Variants in DMD observed in about 807,000 individuals in gnomAD.
The protein encoded by DMD is dystrophin, also known as mutant dystrophin.
Under a neutral mutation model 330.1 loss-of-function variants are expected in DMD, and 63 were observed. That is an observed-to-expected ratio of 0.19 (90% CI 0.16 to 0.24). The LOEUF is 0.24. Among genes scored for constraint, DMD ranks in the 10% least tolerant of loss-of-function variants. DMD has a pLI of 1.00. For missense variants in DMD, 3,344 were observed against 2,684.1 expected (o/e 1.25, Z -5.43); for synonymous variants, 1,223 against 959.8 (o/e 1.27, Z -5.07).
At chrX:32,528,007 T>A in intron 17 of DMD, among the ~76,000 whole-genome samples, 1 of 112,360 alleles carries the variant, frequency 8.9e-6, no homozygotes, top group Non-Finnish European at 1.9e-5. Flanking sequence ...AATGTGCATT[T>A]AAAAATATAC....
At chrX:32,084,881 CT>C (rs920368494) in intron 44 of DMD, among the ~76,000 whole-genome samples, 1 of 111,100 alleles carries the variant, frequency 9.0e-6, no homozygotes, top group Non-Finnish European at 1.9e-5. Context: ...TTGTAAATTG[CT>C]TCCAGAGGCA....
chrX:31,147,356 C>T lies in DMD; in HGVS notation c.10716G>A (p.Leu3572=). ...CTTCCAGGATTTGCATCCTGGCTTC[C>T]AGGCGGCCTTTGTGTTGACGCAGTA... ...AKLLRQHKGR[L]EARMQILEDH... Residue 3572 remains leucine (L), a synonymous_variant, in exon 75 of 79, where the codon CTG becomes CTA. Transcript: ENST00000357033. 8.3e-7 allele frequency: 1 copy of T among 1,210,361 alleles called. No individual in the cohort carries two copies. The highest frequency in any genetic ancestry group is 1.1e-6 in the Non-Finnish European group (1 of 895,214).
At chrX:31,429,873 GT>G (rs1299558410) in intron 60 of DMD, among the ~76,000 whole-genome samples, 181 of 100,898 alleles carry the variant, frequency 1.8e-3, no homozygotes, top group Middle Eastern at 4.9e-3. Context: ...TTTTAAGAAG[GT>G]TTTTTTTTTT....
intron 1 of DMD, among the ~76,000 whole-genome samples, chrX:33,181,007 T>TC (rs201114345): frequency 9.2e-6 from 1 of 108,708 alleles, no homozygotes; most frequent in Non-Finnish European, 1.9e-5. Context: ...CTTTTTTTTT[T>TC]CTTAAACTGG....
At position 32,833,085 on chromosome X, in the gene DMD, C is replaced by A. The variant is rs146921267; in HGVS notation, c.265-9698G>T. 1.2e-4 allele frequency among the ~76,000 whole-genome samples: 13 copies of A among 111,611 alleles called. No homozygotes were observed. In the East Asian group the frequency reaches 3.6e-3, roughly 31 times the overall value. The stretch of plus-strand genomic sequence containing the variant: ...TTCTTTAACTATTTTTGACCACTCA[C>A]TATATGCCACGCATAGAATGTTAAG... On this transcript the variant is annotated intron_variant, in intron 4 of 78. Coordinates refer to ENST00000357033, the MANE Select transcript of DMD (RefSeq NM_004006.3).
chrX:31,121,767 C>T lies in DMD; in HGVS notation c.*152G>A. The stretch of plus-strand genomic sequence containing the variant: ...TAGATTTATTTCTTGTAAACTCTTA[C>T]TGTCTAATCCTCTTTGTTGTATGAA... On this transcript the variant is annotated 3_prime_UTR_variant, in exon 79 of 79. Transcript: ENST00000357033. 1.2e-6 allele frequency: 1 copy of T among 804,542 alleles called. No homozygotes were observed. Among genetic ancestry groups the T allele is most frequent in the Non-Finnish European group, 1.9e-6 (1 of 526,947 alleles). The allele number at this position is 804,542 out of a possible 1,213,427, so 66.3% of individuals were successfully genotyped here.
intron 60 of DMD, among the ~76,000 whole-genome samples, chrX:31,420,267 G>A (rs988306747): frequency 1.8e-5 from 2 of 112,382 alleles, no homozygotes; most frequent in African/African-American, 3.2e-5. Flanking sequence ...CTGAGGGAAA[G>A]CCCTTTCTAT....
chrX:32,860,460 G>C (rs1361572312), intron 2 of DMD, among the ~76,000 whole-genome samples: 1 of 111,515 alleles, frequency 9.0e-6, no homozygotes, highest in Non-Finnish European at 1.9e-5. Flanking sequence ...CAAAAATATC[G>C]CAAATACCAC....
chrX:32,647,298 G>A, intron 9 of DMD, among the ~76,000 whole-genome samples: 1 of 111,947 alleles, frequency 8.9e-6, no homozygotes, highest in Middle Eastern at 4.7e-3. Context: ...TTTGCATATA[G>A]CATTTTCAAT....
intron 23 of DMD, among the ~76,000 whole-genome samples, chrX:32,465,591 T>TG (rs1569563846): frequency 1.4e-4 from 14 of 96,618 alleles, no homozygotes; most frequent in Non-Finnish European, 1.7e-4. Flanking sequence ...TGTTTTTTTT[T>TG]TTTTTTTTTT....
intron 67 of DMD, among the ~76,000 whole-genome samples, chrX:31,196,681 C>G (rs7057083): frequency 3.7e-5 from 4 of 107,350 alleles, no homozygotes; most frequent in African/African-American, 1.0e-4. Context: ...ATTAGCTGGG[C>G]GTGGTGGCAC....
At chrX:32,451,208 C>T (rs994406903) in intron 26 of DMD, among the ~76,000 whole-genome samples, 4 of 110,869 alleles carry the variant, frequency 3.6e-5, no homozygotes, top group African/African-American at 1.3e-4. Context: ...CCAAGACTCA[C>T]TGAATCAGAA....
At chrX:31,757,324 G>T (rs931292486) in intron 51 of DMD, among the ~76,000 whole-genome samples, 6 of 111,319 alleles carry the variant, frequency 5.4e-5, no homozygotes, top group Non-Finnish European at 9.4e-5. Flanking sequence ...TTGAAATAAT[G>T]AGCTTATCTG....
intron 2 of DMD, among the ~76,000 whole-genome samples, chrX:32,861,906 T>C (rs1433744540): frequency 1.8e-5 from 2 of 111,820 alleles, no homozygotes; most frequent in Admixed American, 1.9e-4. Context: ...ATGCCAGGGA[T>C]GTCCATATCA....
At chrX:33,000,501 T>C (rs989989106) in intron 2 of DMD, among the ~76,000 whole-genome samples, 1 of 111,946 alleles carries the variant, frequency 8.9e-6, no homozygotes, top group Non-Finnish European at 1.9e-5. Flanking sequence ...CCATGGGATG[T>C]TGGTGGAGGT....
chrX:31,541,140 T>C (rs1219491736), intron 55 of DMD, among the ~76,000 whole-genome samples: 2 of 111,808 alleles, frequency 1.8e-5, no homozygotes, highest in African/African-American at 3.3e-5. Flanking sequence ...TACCGAGCAA[T>C]TGAAATCAGG....
intron 17 of DMD, among the ~76,000 whole-genome samples, chrX:32,542,016 GA>G (rs1485004749): frequency 9.0e-6 from 1 of 111,666 alleles, no homozygotes; most frequent in Non-Finnish European, 1.9e-5. Context: ...TGCACAAGCG[GA>G]AATAGCTTTA....
At chrX:32,592,010 T>G (rs776524152) in intron 13 of DMD, among the ~76,000 whole-genome samples, 17 of 112,258 alleles carry the variant, frequency 1.5e-4, no homozygotes, top group Non-Finnish European at 2.8e-4. Flanking sequence ...CCGTCTGGAC[T>G]TTGGGCACTG....
intron 30 of DMD, among the ~76,000 whole-genome samples, chrX:32,406,781 A>T (rs1485588895): frequency 9.0e-6 from 1 of 111,512 alleles, no homozygotes; most frequent in Non-Finnish European, 1.9e-5. Flanking sequence ...ACAGAGATAT[A>T]GATCAATGGA....
Sources: allele counts gnomAD v4.1 joint callset (sites outside exome capture counted in the v4.1 genomes callset), GRCh38; gene constraint gnomAD v4.1.1; transcripts MANE v1.5; gene names NCBI Gene and HGNC (gene_info 2026-07-23, HGNC 2026-07-21).